Variants in PARG observed in about 807,000 individuals in gnomAD.
The protein encoded by PARG is poly(ADP-ribose) glycohydrolase.
A neutral mutation model predicts 113.0 loss-of-function variants in PARG; 35 were observed. That is an observed-to-expected ratio of 0.31 (90% CI 0.24 to 0.41). The LOEUF is 0.41. Among genes scored for constraint, PARG ranks in the 10% least tolerant of loss-of-function variants. The pLI, the probability that PARG is intolerant of heterozygous loss-of-function variation, is 1.00. For synonymous variants in PARG, 330 were observed against 409.9 expected, an observed-to-expected ratio of 0.81 and a Z score of 2.36; for missense variants, 797 against 1,169.4, an observed-to-expected ratio of 0.68 and a Z score of 4.64.
intron 4 of PARG, among the ~76,000 whole-genome samples, chr10:49,924,487 A>G (rs1284554202): frequency 6.6e-6 from 1 of 150,694 alleles, no homozygotes; most frequent in Non-Finnish European, 1.5e-5. Context: ...CTTAACTCTA[A>G]AGGCTAAAAA....
chr10:49,868,587 A>T (rs1846636932), intron 10 of PARG, among the ~76,000 whole-genome samples: 1 of 152,298 alleles, frequency 6.6e-6, no homozygotes, highest in South Asian at 2.1e-4. Context: ...ATGACCTTAA[A>T]ATGATTCAAA....
At chr10:49,910,789 C>T (rs539178684) in intron 7 of PARG, among the ~76,000 whole-genome samples, 5 of 152,154 alleles carry the variant, frequency 3.3e-5, no homozygotes, top group African/African-American at 1.2e-4. Flanking sequence ...TCAAAAAGTA[C>T]ATAAAAATAT....
intron 15 of PARG, among the ~76,000 whole-genome samples, chr10:49,839,724 C>T (rs1358910180): frequency 2.0e-5 from 3 of 152,200 alleles, no homozygotes; most frequent in African/African-American, 7.2e-5. Flanking sequence ...TTGAGGATAA[C>T]TTCTAAAAGT....
At chr10:49,859,102 GGCA>G (rs1200829526) in intron 12 of PARG, among the ~76,000 whole-genome samples, 2 of 147,700 alleles carry the variant, frequency 1.4e-5, no homozygotes, top group African/African-American at 5.0e-5. Context: ...AAGGGGATGT[GGCA>G]GCTGACATGC....
At chr10:49,842,098 G>A in intron 14 of PARG, 40 bp from the exon 15 acceptor site, 2 of 1,361,856 alleles carry the variant, frequency 1.5e-6, no homozygotes, top group Non-Finnish European at 1.0e-6. Context: ...TAAGGAACAG[G>A]TAGTCGCTCA....
chr10:49,869,708 T>A (rs1189367257), intron 9 of PARG, among the ~76,000 whole-genome samples, 153 bp from the exon 10 acceptor site: 1 of 150,618 alleles, frequency 6.6e-6, no homozygotes, highest in Non-Finnish European at 1.5e-5. Flanking sequence ...TGGTTTAGAT[T>A]CAAATGGCAT....
chr10:49,849,338 T>G (rs1282920039), intron 13 of PARG, among the ~76,000 whole-genome samples: 15 of 151,996 alleles, frequency 9.9e-5, no homozygotes, highest in African/African-American at 3.6e-4. Context: ...GAAGGACCCA[T>G]ACTACCTGAT....
In PARG at chr10:49,850,759, GTTC is replaced by G. The variant is rs1365930733; in HGVS notation, c.2353+6544_2353+6546del. ...TACTTCATGTTAATATAGTTTCAGT[GTTC>G]TTCTCTGAGAGGAACAAGGTTAGAT... On this transcript the variant is annotated intron_variant, in intron 13 of 17. Transcript: ENST00000616448. Among the ~76,000 whole-genome samples the G allele has an allele frequency of 5.3e-5, 8 of 152,190 alleles. No individual in the cohort carries two copies. The South Asian group carries it at 1.5e-3, about 28-fold the overall frequency.
At chr10:49,827,770 TA>T (rs1844428639) in intron 16 of PARG, among the ~76,000 whole-genome samples, 1 of 145,748 alleles carries the variant, frequency 6.9e-6, no homozygotes, top group South Asian at 2.2e-4. Context: ...TATGGAATCT[TA>T]CAGCAAAAGA....
rs1214299551 is a variant in PARG at position 49,933,495 on chromosome 10, G to A, written c.953C>T (p.Ala318Val). 11 of 1,609,322 alleles carry A rather than the reference G, an allele frequency of 6.8e-6. No individual in the cohort carries two copies. In the South Asian group the frequency reaches 9.9e-5, roughly 14 times the overall value. The stretch of plus-strand genomic sequence containing the variant: ...AAAACCTGGACTTGTCTCCTCATCT[G>A]CTTCTGAGTCTTGACAACTATTTTT... ...NSKNSCQDSEADEETSPGFDE... is the reference protein window; with the variant it reads ...NSKNSCQDSEVDEETSPGFDE... Residue 318 changes from alanine to valine, a missense_variant, in exon 3 of 18, where the codon GCA (alanine) becomes GTA (valine). By Grantham distance (64) the Ala-to-Val change is moderately conservative. Around this residue, in one of 5 missense-constraint regions of PARG, gnomAD observed 252 missense variants for 437.4 expected, o/e 0.58. Transcript: ENST00000616448.
At chr10:49,837,868 C>T (rs1026934214) in intron 15 of PARG, among the ~76,000 whole-genome samples, 4 of 152,120 alleles carry the variant, frequency 2.6e-5, no homozygotes, top group African/African-American at 9.7e-5. Context: ...CTATTACACT[C>T]GAGGTATTTC....
chr10:49,837,764 G>C (rs1554831396), intron 15 of PARG, among the ~76,000 whole-genome samples: 2 of 152,138 alleles, frequency 1.3e-5, no homozygotes, highest in African/African-American at 4.8e-5. Context: ...GAATATATCA[G>C]TGAATAAAAG....
chr10:49,859,049 T>C (rs566808327), intron 12 of PARG, among the ~76,000 whole-genome samples: 39 of 149,580 alleles, frequency 2.6e-4, no homozygotes, highest in African/African-American at 7.6e-4. Flanking sequence ...AATAATACAA[T>C]TAACTAAAAT....
rs189027011 is a variant in PARG, at chr10:49,897,883, T to A, written c.1738-12588A>T. On this transcript the variant is annotated intron_variant, in intron 7 of 17. Transcript: ENST00000616448. ...GGCCCACACCTGTAGTCCCAGCTATTTGGGTGGCTAAGGCATGAGAATCGC... is the reference window on the plus strand; with the variant it reads ...GGCCCACACCTGTAGTCCCAGCTATATGGGTGGCTAAGGCATGAGAATCGC... 2.2e-3 allele frequency among the ~76,000 whole-genome samples: 334 copies of A among 152,162 alleles called. 2 individuals are homozygous for A. The highest frequency in any genetic ancestry group is 7.8e-3 in the African/African-American group (323 of 41,508).
chr10:49,830,901 C>G (rs1554830163), intron 16 of PARG, among the ~76,000 whole-genome samples: 1 of 152,164 alleles, frequency 6.6e-6, no homozygotes, highest in East Asian at 1.9e-4. Flanking sequence ...GTACTACACA[C>G]TGTAGTACTC....
intron 14 of PARG, among the ~76,000 whole-genome samples, chr10:49,842,608 A>G (rs1449518830): frequency 6.6e-6 from 1 of 152,240 alleles, no homozygotes; most frequent in Non-Finnish European, 1.5e-5. Context: ...TAACAAAGAC[A>G]TCAAAGCAGA....
At chr10:49,841,414 G>A (rs1588884797) in intron 15 of PARG, among the ~76,000 whole-genome samples, 1 of 152,086 alleles carries the variant, frequency 6.6e-6, no homozygotes, top group East Asian at 1.9e-4. Flanking sequence ...TGCCAATACT[G>A]AAAATTTGAA....
Position 49,941,791 on chromosome 10 carries a change from G to C in PARG, c.-66C>G. The C allele has an allele frequency of 6.5e-7, 1 of 1,537,626 alleles. No individual in the cohort carries two copies. Among genetic ancestry groups the C allele is most frequent in the East Asian group, 2.4e-5 (1 of 40,892 alleles). On this transcript the variant is annotated 5_prime_UTR_variant, in exon 1 of 18. Transcript: ENST00000616448. Reference sequence around the variant, plus strand: ...GGAGAGCCTCATTCACTAACCCTGAGAGAGATGGACTGCGCCTCCTTCTCA... The same window carrying C: ...GGAGAGCCTCATTCACTAACCCTGACAGAGATGGACTGCGCCTCCTTCTCA...
intron 14 of PARG, 74 bp from the exon 15 acceptor site, chr10:49,842,132 G>T: frequency 9.9e-7 from 1 of 1,013,024 alleles, no homozygotes. Flanking sequence ...CAGGGGTCAG[G>T]TTGCCAAGAC....
Sources: allele counts gnomAD v4.1 joint callset (sites outside exome capture counted in the v4.1 genomes callset), GRCh38; gene constraint gnomAD v4.1.1; regional missense constraint gnomAD v4.1.1; transcripts MANE v1.5; gene names NCBI Gene and HGNC (gene_info 2026-07-23, HGNC 2026-07-21).